The following IL4I1 variants were observed in gnomAD, a reference collection of about 807,000 sequenced individuals.
IL4I1 encodes L-amino-acid oxidase.
IL4I1 carries 24 observed loss-of-function variants against 29.7 expected under a neutral mutation model. The observed-to-expected ratio is 0.81, with a 90% CI of 0.59 to 1.14. IL4I1 has a LOEUF of 1.14. Among genes scored for constraint, IL4I1 ranks in the 50% most tolerant of loss-of-function variants. The pLI, the probability that IL4I1 is intolerant of heterozygous loss-of-function variation, is 0.00. For missense variants in IL4I1, 686 were observed against 785.6 expected, an observed-to-expected ratio of 0.87 and a Z score of 1.52; for synonymous variants, 371 against 352.5, an observed-to-expected ratio of 1.05 and a Z score of -0.59.
upstream of IL4I1, among the ~76,000 whole-genome samples, chr19:49,900,201 GA>G (rs916179607): frequency 2.1e-4 from 32 of 151,222 alleles, no homozygotes; most frequent in African/African-American, 6.8e-4. Flanking sequence ...TGTAATTAAA[GA>G]AAAAAAAATC....
chr19:49,918,818 A>G (rs1427637745), intron 2 of IL4I1, among the ~76,000 whole-genome samples: 1 of 144,576 alleles, frequency 6.9e-6, no homozygotes, highest in Admixed American at 7.3e-5. Context: ...ACCCAGTGAC[A>G]TTGGTGGGCA....
At chr19:49,908,142 C>G in intron 2 of IL4I1, 1 of 1,534,376 alleles carries the variant, frequency 6.5e-7, no homozygotes, top group Non-Finnish European at 8.7e-7. Context: ...AAGAAACAAA[C>G]AAACAAGTAT....
exon 1 of IL4I1, chr19:49,929,477 G>C (rs1346815162): frequency 1.3e-5 from 2 of 152,542 alleles, no homozygotes; most frequent in Non-Finnish European, 2.9e-5. Context: ...GGGAGCCCTG[G>C]GGGGTGGGGA....
Position 49,896,822 on chromosome 19 carries a change from G to T in IL4I1, c.-23+13C>A. The T allele has an allele frequency of 1.0e-6, 1 of 986,400 alleles. No individual in the cohort carries two copies. Among genetic ancestry groups the T allele is most frequent in the Non-Finnish European group, 1.2e-6 (1 of 830,482 alleles). 61.1% of individuals were successfully genotyped at this position (986,400 alleles called of 1,614,324 possible). On this transcript the variant is annotated intron_variant, in intron 1 of 7. Transcript: ENST00000391826. ...CTGTCTCTCTGTCCCCCCACCACTG[G>T]CCGTGTCACTACCTCCAGCTCTTGG...
chr19:49,921,600 G>T lies in IL4I1; in HGVS notation c.-228+6094C>A, dbSNP rs900637775. ...GTAGGTCAGGAAGAAGAGGGCAAAG[G>T]AGTCTGCATCAAACTGGGCTAAGGC... is the stretch of plus-strand genomic sequence containing the variant. On this transcript the variant is annotated intron_variant, in intron 2 of 9. Coordinates refer to the IL4I1 transcript ENST00000341114. This position sits in a 1 kb window ranked among gnomAD's most constrained non-coding sequence, Gnocchi z 5.4. Among the ~76,000 whole-genome samples the T allele has an allele frequency of 6.6e-6, 1 of 152,210 alleles. No homozygotes were observed. The highest frequency in any genetic ancestry group is 1.5e-5 in the Non-Finnish European group (1 of 68,032).
intron 2 of IL4I1, among the ~76,000 whole-genome samples, chr19:49,916,075 A>G (rs1447379099): frequency 6.6e-6 from 1 of 152,256 alleles, no homozygotes; most frequent in Non-Finnish European, 1.5e-5. Flanking sequence ...ACTGCACTGC[A>G]GCACACCGAG....
intron 2 of IL4I1, among the ~76,000 whole-genome samples, chr19:49,919,895 A>G (rs1365253206): frequency 6.6e-6 from 1 of 152,118 alleles, no homozygotes; most frequent in Non-Finnish European, 1.5e-5. Context: ...TCTTGTATTG[A>G]AAGTTTTTTC....
rs999907606 is a variant in IL4I1 at position 49,890,267 on chromosome 19, A to G, written c.1107T>C (p.Ile369=). ...GATCGGTGTTTGAGTGGCCGCCTTC[A>G]ATGTGCTCCTCGCGCCAGAAGGGCC... ...FRRPFWREEH[I]EGGHSNTDRP... is the part of the protein sequence containing the mutation. The change falls in exon 8 of 8, where the codon ATT becomes ATC. Residue 369 remains isoleucine (I), a synonymous_variant. Coordinates refer to ENST00000391826, the MANE Select transcript of IL4I1 (RefSeq NM_152899.2). The G allele has an allele frequency of 5.0e-6, 8 of 1,586,308 alleles. No individual in the cohort carries two copies. The African/African-American group carries it at 8.1e-5, about 16-fold the overall frequency.
intron 2 of IL4I1, among the ~76,000 whole-genome samples, chr19:49,922,912 C>T (rs1235320510): frequency 6.6e-6 from 1 of 152,114 alleles, no homozygotes; most frequent in Non-Finnish European, 1.5e-5. Context: ...AACCCCCTGC[C>T]CCTCCACACT....
intron 2 of IL4I1, chr19:49,908,472 G>A (rs1209237624): frequency 3.1e-6 from 5 of 1,614,030 alleles, no homozygotes; most frequent in East Asian, 2.2e-5. Flanking sequence ...TGGGCCATGC[G>A]CTTGAGCTGT....
chr19:49,908,623 G>A, intron 2 of IL4I1: 4 of 1,613,596 alleles, frequency 2.5e-6, no homozygotes. Context: ...GGGACAGGAT[G>A]AAGTCGAGCT....
intron 2 of IL4I1, among the ~76,000 whole-genome samples, chr19:49,913,407 T>C (rs1434049168): frequency 2.0e-5 from 3 of 152,190 alleles, no homozygotes; most frequent in Non-Finnish European, 1.5e-5. Context: ...AGAGAGTCCA[T>C]GTTGACGCTG....
intron 5 of IL4I1, among the ~76,000 whole-genome samples, chr19:49,893,408 G>A (rs942156497): frequency 2.6e-5 from 4 of 152,048 alleles, no homozygotes; most frequent in African/African-American, 9.7e-5. Context: ...GAGGTCAGGA[G>A]GAGGATGGCT....
chr19:49,909,147 G>A lies in IL4I1; in HGVS notation c.-227-4826C>T, dbSNP rs554308671. ...GGAGCAGTTGCTATTGACGCAAAGA[G>A]GCTGGGCCCAGTGCTGGTGATGGTG... On this transcript the variant is annotated intron_variant, in intron 2 of 9. Coordinates refer to the IL4I1 transcript ENST00000341114. The A allele has an allele frequency of 3.2e-5, 52 of 1,613,150 alleles. 1 individual carries two copies. In the East Asian group the frequency reaches 1.1e-3, roughly 35 times the overall value.
At chr19:49,909,464 C>T (rs1461500223) in intron 2 of IL4I1, 1 of 1,614,074 alleles carries the variant, frequency 6.2e-7, no homozygotes, top group Non-Finnish European at 8.5e-7. Flanking sequence ...GCTGCCCAGC[C>T]CAAAGCCGCT....
Position 49,927,390 on chromosome 19 carries a change from T to TA in IL4I1, c.-228+303dup, listed in dbSNP as rs946061834. Among the ~76,000 whole-genome samples the TA allele has an allele frequency of 8.0e-4, 121 of 151,686 alleles. 1 individual carries two copies. Among genetic ancestry groups the TA allele is most frequent in the South Asian group, 1.7e-3 (8 of 4,798 alleles). ...ATACACTATTGATAGCTGATGAACT[T>TA]AAAAAAAAATCGCAAAAAATTCGCA... On this transcript the variant is annotated intron_variant, in intron 2 of 9. Transcript: ENST00000341114.
chr19:49,902,993 T>A (rs1053022987), intron 3 of IL4I1, among the ~76,000 whole-genome samples: 1 of 151,780 alleles, frequency 6.6e-6, no homozygotes, highest in Non-Finnish European at 1.5e-5. Flanking sequence ...TGCACGCCTG[T>A]AGTCCCAGCT....
At position 49,915,912 on chromosome 19, in the gene IL4I1, C is replaced by A. The variant is rs1367785418; in HGVS notation, c.-227-11591G>T. On this transcript the variant is annotated intron_variant, in intron 2 of 9. Coordinates refer to the IL4I1 transcript ENST00000341114. ...GGTTGCCTCCGAACACAGAGGAAGG[C>A]TAACGGTGGGGATGGTGTCGGCTCC... 3.9e-5 allele frequency among the ~76,000 whole-genome samples: 6 copies of A among 152,258 alleles called. No individual in the cohort carries two copies. In the East Asian group the frequency reaches 1.2e-3, roughly 29 times the overall value.
At chr19:49,913,906 G>A (rs1367895115) in intron 2 of IL4I1, among the ~76,000 whole-genome samples, 1 of 152,188 alleles carries the variant, frequency 6.6e-6, no homozygotes, top group African/African-American at 2.4e-5. Context: ...ATGAACCGTA[G>A]GGGTAGAGGC....
Sources: allele counts gnomAD v4.1 joint callset (sites outside exome capture counted in the v4.1 genomes callset), GRCh38; gene constraint gnomAD v4.1.1; non-coding constraint Gnocchi (gnomAD v3.1); transcripts MANE v1.5; gene names NCBI Gene and HGNC (gene_info 2026-07-23, HGNC 2026-07-21).